Variants in NME4 observed in about 807,000 individuals in gnomAD.
The protein encoded by NME4 is NME/NM23 nucleoside diphosphate kinase 4, also known as nucleoside diphosphate kinase D, mitochondrial.
A neutral mutation model predicts 16.4 loss-of-function variants in NME4; 21 were observed. The ratio of observed to expected loss-of-function variants is 1.28; its 90% confidence interval spans 0.91 to 1.84. NME4 has a LOEUF of 1.84. Ranked by LOEUF, NME4 falls within the 40% of genes most tolerant of loss-of-function variation. The probability of loss-of-function intolerance (pLI) is 0.00; values close to 1 mark genes in which losing one functional copy is unlikely to be tolerated. For missense variants in NME4, 316 were observed against 261.3 expected, an observed-to-expected ratio of 1.21 and a Z score of -1.44; for synonymous variants, 132 against 107.5, an observed-to-expected ratio of 1.23 and a Z score of -1.41.
intron 4 of NME4, 165 bp from the exon 5 acceptor site, chr16:400,054 G>A: frequency 9.2e-7 from 1 of 1,087,992 alleles, no homozygotes. Context: ...AAGAGGCCGA[G>A]GCCAGGCTGG....
At chr16:399,146 G>A in intron 2 of NME4, 23 bp downstream of exon 2, 1 of 1,597,864 alleles carries the variant, frequency 6.3e-7, no homozygotes, top group Non-Finnish European at 8.5e-7. Flanking sequence ...TGGGCTTGTG[G>A]GTGTCCCTGT....
In NME4 at chr16:400,446, T is replaced by G; in HGVS notation, c.*104T>G. The G allele has an allele frequency of 7.0e-7, 1 of 1,428,480 alleles. No individual in the cohort carries two copies. The highest frequency in any genetic ancestry group is 9.3e-7 in the Non-Finnish European group (1 of 1,069,694). 88.5% of individuals were successfully genotyped at this position (1,428,480 alleles called of 1,614,324 possible). On this transcript the variant is annotated 3_prime_UTR_variant, in exon 5 of 5. Coordinates refer to ENST00000219479, the MANE Select transcript of NME4 (RefSeq NM_005009.3). ...AACCTGCCTGTCCCAAACCACTTACTTCCCTGTTCACCTCTGCCCCACCCC... is the reference window on the plus strand; with the variant it reads ...AACCTGCCTGTCCCAAACCACTTACGTCCCTGTTCACCTCTGCCCCACCCC...
chr16:398,248 C>CT (rs1160752837), intron 1 of NME4: 2 of 1,414,106 alleles, frequency 1.4e-6, no homozygotes, highest in African/African-American at 2.9e-5. Flanking sequence ...GAGCTCAGCG[C>CT]TGACCCTGGG....
chr16:397,089 G>C (rs1342560424), upstream of NME4: 1 of 164,754 alleles, frequency 6.1e-6, no homozygotes, highest in Admixed American at 6.7e-5. Flanking sequence ...CGTGAGCGCC[G>C]GGCCACGGGG....
chr16:398,171 T>C, intron 1 of NME4: 3 of 1,516,398 alleles, frequency 2.0e-6, no homozygotes, highest in Non-Finnish European at 2.7e-6. Context: ...AGCCTGGGAC[T>C]ATAGGAAGGT....
chr16:400,139 AC>A (rs751825206), intron 4 of NME4, 79 bp from the exon 5 acceptor site: 7 of 1,577,154 alleles, frequency 4.4e-6, no homozygotes, highest in Non-Finnish European at 6.0e-6. Flanking sequence ...ACAGAGGGCA[AC>A]GGGAGCAGCA....
At chr16:397,804 T>G (rs1393047134) in intron 1 of NME4, 6 of 1,449,746 alleles carry the variant, frequency 4.1e-6, no homozygotes, top group Non-Finnish European at 5.4e-6. Context: ...GACTGGGACG[T>G]CAGGCCCCAA....
rs1444389505 is a variant in NME4 at position 399,377 on chromosome 16, A to G, written c.226-2A>G. On this transcript the variant is annotated splice_acceptor_variant, in intron 2 of 4. Coordinates refer to ENST00000219479, the MANE Select transcript of NME4 (RefSeq NM_005009.3). LOFTEE classifies it high-confidence loss of function. ...GCTCCTCCTTACCTCAATGCCACCCAGGCACCAGAGAGCGTCCTTGCCGAG... is the reference window on the plus strand; with the variant it reads ...GCTCCTCCTTACCTCAATGCCACCCGGGCACCAGAGAGCGTCCTTGCCGAG... The G allele has an allele frequency of 1.2e-6, 2 of 1,612,848 alleles. No individual in the cohort carries two copies. The highest frequency in any genetic ancestry group is 1.1e-5 in the South Asian group (1 of 91,078).
chr16:400,192 C>T, intron 4 of NME4, 27 bp from the exon 5 acceptor site: 2 of 1,611,526 alleles, frequency 1.2e-6, no homozygotes, highest in African/African-American at 1.3e-5. Flanking sequence ...GAAGCCTGAG[C>T]CTCACATTGC....
intron 1 of NME4, chr16:398,540 C>A: frequency 3.3e-6 from 2 of 597,548 alleles, no homozygotes; most frequent in Non-Finnish European, 4.9e-6. Context: ...TGGAGTTTTG[C>A]AGGATCTCCA....
rs1234986170 is a variant in NME4, at chr16:400,419, C to T, written c.*77C>T. The T allele has an allele frequency of 1.2e-5, 18 of 1,535,208 alleles. No individual in the cohort carries two copies. In the East Asian group the frequency reaches 3.9e-4, roughly 33 times the overall value. Reference sequence around the variant, plus strand: ...GTCAGCAAGAACCCAAGCCCACATCCAAACCTGCCTGTCCCAAACCACTTA... The same window carrying T: ...GTCAGCAAGAACCCAAGCCCACATCTAAACCTGCCTGTCCCAAACCACTTA... On this transcript the variant is annotated 3_prime_UTR_variant, in exon 5 of 5. Coordinates refer to ENST00000219479, the MANE Select transcript of NME4 (RefSeq NM_005009.3).
chr16:399,140 C>A lies in NME4; in HGVS notation c.225+17C>A. The A allele has an allele frequency of 6.3e-7, 1 of 1,595,736 alleles. No individual in the cohort carries two copies. The highest frequency in any genetic ancestry group is 1.1e-5 in the South Asian group (1 of 89,928). ...ATGCTGCAGGTAGTGGGACTCTGGG[C>A]TTGTGGGTGTCCCTGTGGGGATGGG... is the stretch of plus-strand genomic sequence containing the variant. On this transcript the variant is annotated intron_variant, in intron 2 of 4. Coordinates refer to ENST00000219479, the MANE Select transcript of NME4 (RefSeq NM_005009.3).
chr16:399,464 G>A lies in NME4; in HGVS notation c.311G>A (p.Gly104Glu). 4 of 1,612,842 alleles carry A rather than the reference G, an allele frequency of 2.5e-6. No individual in the cohort carries two copies. In the East Asian group the frequency reaches 6.7e-5, roughly 27 times the overall value. ...GCCCTCATCCGCTACATGAGCTCTG[G>A]GCCTGTGGTGGCCATGGTACGGCAG... ...YPALIRYMSS[G>E]PVVAMVWEGY... The change falls in exon 3 of 5, where the codon GGG becomes GAG. Residue 104 changes from glycine to glutamate, a missense_variant. Physicochemically the swap from Gly to Glu is moderately conservative, Grantham distance 98 (BLOSUM62 -2). Coordinates refer to ENST00000219479, the MANE Select transcript of NME4 (RefSeq NM_005009.3).
intron 1 of NME4, 57 bp from the exon 2 acceptor site, chr16:398,933 G>A: frequency 1.9e-6 from 3 of 1,599,416 alleles, no homozygotes; most frequent in South Asian, 2.2e-5. Context: ...GGAAACCCGG[G>A]TCGTGGGGAC....
rs979599559 is a variant in NME4, at chr16:398,891, C to T, written c.92-99C>T. On this transcript the variant is annotated intron_variant, in intron 1 of 4. Coordinates refer to ENST00000219479, the MANE Select transcript of NME4 (RefSeq NM_005009.3). Reference sequence around the variant, plus strand: ...GAGTGCCCTGCATAGAGGCAGACACCCTGAAGCCTGGTGACCCCTGGGCTC... The same window carrying T: ...GAGTGCCCTGCATAGAGGCAGACACTCTGAAGCCTGGTGACCCCTGGGCTC... 15 of 1,527,694 alleles carry T rather than the reference C, an allele frequency of 9.8e-6. No homozygotes were observed. In the Admixed American group the frequency reaches 1.6e-4, roughly 16 times the overall value. The allele number at this position is 1,527,694 out of a possible 1,614,324, so 94.6% of individuals were successfully genotyped here.
At chr16:399,178 T>G (rs2363759) in intron 2 of NME4, 55 bp downstream of exon 2, 650,143 of 1,597,314 alleles carry the variant, frequency 0.41, 133,506 homozygotes, top group African/African-American at 0.51. Context: ...TGGGGGATCC[T>G]TCTCGGCCTT....
intron 1 of NME4, chr16:398,240 G>A: frequency 7.0e-7 from 1 of 1,422,284 alleles, no homozygotes; most frequent in Non-Finnish European, 9.4e-7. Context: ...CTGGGGCGGA[G>A]CTCAGCGCTG....
At chr16:398,057 T>C in intron 1 of NME4, 1 of 1,529,222 alleles carries the variant, frequency 6.5e-7, no homozygotes, top group Non-Finnish European at 8.8e-7. Flanking sequence ...CCTCCTGGCC[T>C]GGCGGAGCCC....
chr16:398,547 T>G (rs2054595679), intron 1 of NME4: 2 of 568,102 alleles, frequency 3.5e-6, no homozygotes, highest in Non-Finnish European at 5.3e-6. Context: ...TTGCAGGATC[T>G]CCAGACTTCC....
Sources: gnomAD v4.1 joint callset for allele counts on GRCh38, gnomAD v4.1.1 for gene constraint, MANE v1.5 for transcripts, NCBI Gene and HGNC (gene_info 2026-07-23, HGNC 2026-07-21) for gene names.